Variants in CLDN18 observed in about 807,000 individuals in gnomAD.
CLDN18 encodes the protein claudin 18.
Under a neutral mutation model 25.0 loss-of-function variants are expected in CLDN18, and 20 were observed. The ratio of observed to expected loss-of-function variants is 0.80; its 90% CI spans 0.56 to 1.16. CLDN18 has a LOEUF of 1.16. CLDN18 is among the 50% of genes most tolerant of loss of function. The probability of loss-of-function intolerance (pLI) is 0.00; values close to 1 mark genes in which losing one functional copy is unlikely to be tolerated. For synonymous variants in CLDN18, 125 were observed against 135.6 expected (o/e 0.92, Z 0.54); for missense variants, 297 against 345.4 (o/e 0.86, Z 1.11).
At position 138,026,761 on chromosome 3, in the gene CLDN18, G is replaced by A. The variant is rs539055300; in HGVS notation, c.503+2037G>A. Among the ~76,000 whole-genome samples the A allele has an allele frequency of 2.0e-5, 3 of 152,334 alleles. No homozygotes were observed. The South Asian group carries it at 6.2e-4, about 32-fold the overall frequency. On this transcript the variant is annotated intron_variant, in intron 3 of 4. Coordinates refer to ENST00000183605, the MANE Select transcript of CLDN18 (RefSeq NM_016369.4). ...AAGAAAAGGGAGATGGTTAGTGGGT[G>A]AAGGAAACAGGGACGGGAAGGAAGG... is the stretch of plus-strand genomic sequence containing the variant.
chr3:138,017,486 C>T, intron 1 of CLDN18, among the ~76,000 whole-genome samples: 1 of 152,128 alleles, frequency 6.6e-6, no homozygotes, highest in East Asian at 1.9e-4. Flanking sequence ...CCACATTTAA[C>T]CAGAGAACAG....
At chr3:137,999,519 C>T (rs1258773835) in intron 1 of CLDN18, among the ~76,000 whole-genome samples, 1 of 152,272 alleles carries the variant, frequency 6.6e-6, no homozygotes, top group Non-Finnish European at 1.5e-5. Context: ...CTGAACTCAG[C>T]TTCCAGGGAC....
At chr3:138,021,963 AAATAAT>A (rs1366180655) in intron 1 of CLDN18, among the ~76,000 whole-genome samples, 2 of 152,190 alleles carry the variant, frequency 1.3e-5, no homozygotes, top group African/African-American at 4.8e-5. Flanking sequence ...AGGGATTTAA[AAATAAT>A]AATAATAACA....
In CLDN18 at chr3:138,010,380, G is replaced by A; in HGVS notation, c.155G>A (p.Ser52Asn). 1 of 1,614,236 alleles carries A rather than the reference G, an allele frequency of 6.2e-7. No individual in the cohort carries two copies. Among genetic ancestry groups the A allele is most frequent in the Non-Finnish European group, 8.5e-7 (1 of 1,180,036 alleles). ...SVFQYEGLWR[S>N]CVRQSSGFTE... ...TTCCAGTACGAAGGGCTCTGGAGGA[G>A]CTGCGTGAGGCAGAGTTCAGGCTTC... is the stretch of plus-strand genomic sequence containing the variant. The change falls in exon 1 of 5, where the codon AGC (serine) becomes AAC (asparagine). Residue 52 changes from serine to asparagine, a missense_variant. By Grantham distance (46) the Ser-to-Asn change is conservative. Transcript: ENST00000183605.
chr3:138,011,863 CTG>C (rs1942139988), intron 1 of CLDN18, among the ~76,000 whole-genome samples: 1 of 152,202 alleles, frequency 6.6e-6, no homozygotes, highest in Non-Finnish European at 1.5e-5. Context: ...ATTGCGTCCA[CTG>C]TGACTTGTCA....
At chr3:138,023,006 G>A (rs1942287488) in intron 1 of CLDN18, among the ~76,000 whole-genome samples, 1 of 152,218 alleles carries the variant, frequency 6.6e-6, no homozygotes, top group South Asian at 2.1e-4. Context: ...AAAGGAAACT[G>A]CTGATAAACT....
intron 1 of CLDN18, chr3:137,999,101 T>C: frequency 6.2e-7 from 1 of 1,611,708 alleles, no homozygotes; most frequent in Non-Finnish European, 8.5e-7. Flanking sequence ...AAGGGCCAGG[T>C]GTCTGGCTGG....
At chr3:138,013,001 T>C (rs1179805000) in intron 1 of CLDN18, among the ~76,000 whole-genome samples, 1 of 152,212 alleles carries the variant, frequency 6.6e-6, no homozygotes, top group Non-Finnish European at 1.5e-5. Context: ...CTATGTGGTG[T>C]TTCCCTTCAG....
Position 138,024,633 on chromosome 3 carries a change from G to A in CLDN18, c.412G>A (p.Val138Met). The A allele has an allele frequency of 6.2e-7, 1 of 1,613,156 alleles. No homozygotes were observed. The highest frequency in any genetic ancestry group is 1.7e-5 in the Admixed American group (1 of 60,014). The change falls in exon 3 of 5, where the codon GTG becomes ATG. Residue 138 changes from valine to methionine, a missense_variant. Val to Met is a conservative substitution (Grantham distance 21). Transcript: ENST00000183605. The part of the protein sequence containing the change: ...SGLCAIAGVS[V>M]FANMLVTNFW... ...TCTTTGTGCAATTGCTGGAGTGTCT[G>A]TGTTTGCCAACATGCTGGTGACTAA...
At chr3:138,009,523 T>G (rs966341134), upstream of CLDN18, among the ~76,000 whole-genome samples, 3 of 152,152 alleles carry the variant, frequency 2.0e-5, no homozygotes, top group Non-Finnish European at 4.4e-5. Flanking sequence ...TGCCTGCCCC[T>G]GCTGCTCCAT....
intron 1 of CLDN18, among the ~76,000 whole-genome samples, chr3:138,020,922 G>A (rs939819664): frequency 2.6e-5 from 4 of 152,306 alleles, no homozygotes; most frequent in African/African-American, 9.6e-5. Flanking sequence ...ACAATGTGCT[G>A]TGATGGAAAA....
chr3:138,026,644 C>CA (rs1487021151), intron 3 of CLDN18, among the ~76,000 whole-genome samples: 2 of 151,494 alleles, frequency 1.3e-5, no homozygotes, highest in Admixed American at 6.6e-5. Context: ...GACTCCATCT[C>CA]AAAAAAACAA....
At position 138,022,799 on chromosome 3, in the gene CLDN18, C is replaced by A. The variant is rs148647751; in HGVS notation, c.221-859C>A. On this transcript the variant is annotated intron_variant, in intron 1 of 4. Coordinates refer to ENST00000183605, the MANE Select transcript of CLDN18 (RefSeq NM_016369.4). ...CTGTCATTCGCCACTTTGGCATAAG[C>A]TCCATGACAACAGAGACCATGTCTG... Among the ~76,000 whole-genome samples the A allele has an allele frequency of 1.8e-4, 27 of 152,354 alleles. No homozygotes were observed. In the East Asian group the frequency reaches 5.2e-3, roughly 29 times the overall value.
At position 138,012,571 on chromosome 3, in the gene CLDN18, G is replaced by C. The variant is rs548363097; in HGVS notation, c.220+2126G>C. Among the ~76,000 whole-genome samples the C allele has an allele frequency of 2.7e-5, 4 of 149,858 alleles. No individual in the cohort carries two copies. The East Asian group carries it at 7.8e-4, about 29-fold the overall frequency. ...AATTCCCCCCTCCACCACCCCAACTGTCCTCTCACAAATCTTCCTCCAAAC... is the reference window on the plus strand; with the variant it reads ...AATTCCCCCCTCCACCACCCCAACTCTCCTCTCACAAATCTTCCTCCAAAC... On this transcript the variant is annotated intron_variant, in intron 1 of 4. Transcript: ENST00000183605.
upstream of CLDN18, among the ~76,000 whole-genome samples, chr3:138,007,342 A>C (rs1326777769): frequency 6.6e-6 from 1 of 152,212 alleles, no homozygotes; most frequent in African/African-American, 2.4e-5. Context: ...GTACATATAC[A>C]CCATAGAATA....
chr3:138,009,388 C>T (rs879331981), upstream of CLDN18, among the ~76,000 whole-genome samples: 8 of 152,270 alleles, frequency 5.3e-5, no homozygotes, highest in Admixed American at 3.3e-4. Context: ...TCTTGTGGCA[C>T]GAGTGAAAGC....
intron 1 of CLDN18, among the ~76,000 whole-genome samples, chr3:138,016,462 AC>A (rs1344003512): frequency 6.6e-6 from 1 of 152,202 alleles, no homozygotes; most frequent in African/African-American, 2.4e-5. Flanking sequence ...CATCCCATTC[AC>A]ACATGCCTTC....
At chr3:138,016,912 C>T (rs1942212556) in intron 1 of CLDN18, among the ~76,000 whole-genome samples, 1 of 152,092 alleles carries the variant, frequency 6.6e-6, no homozygotes, top group African/African-American at 2.4e-5. Flanking sequence ...ACAAATTAGT[C>T]AGGCATGGTG....
chr3:138,023,898 TC>T (rs1942296936), intron 2 of CLDN18, 76 bp downstream of exon 2: 2 of 1,421,722 alleles, frequency 1.4e-6, no homozygotes, highest in South Asian at 2.6e-5. Flanking sequence ...ACATGACTCC[TC>T]CCTACTGCTG....
Sources: allele counts gnomAD v4.1 joint callset (sites outside exome capture counted in the v4.1 genomes callset), GRCh38; gene constraint gnomAD v4.1.1; transcripts MANE v1.5; gene names NCBI Gene and HGNC (gene_info 2026-07-23, HGNC 2026-07-21).